The following RCOR1 variants were observed in gnomAD, a reference collection of about 807,000 sequenced individuals.
The protein encoded by RCOR1 is REST corepressor 1.
RCOR1 carries 12 observed loss-of-function variants against 64.0 expected under a neutral mutation model. The observed-to-expected ratio is 0.19, with a 90% CI of 0.12 to 0.30. The LOEUF is 0.30. RCOR1 is among the 10% of genes least tolerant of loss of function. The pLI is 1.00. For synonymous variants in RCOR1, 279 were observed against 227.2 expected (o/e 1.23, Z -2.05); for missense variants, 502 against 621.2 (o/e 0.81, Z 2.04).
At chr14:102,707,743 C>T (rs1457943954) in intron 5 of RCOR1, among the ~76,000 whole-genome samples, 1 of 150,890 alleles carries the variant, frequency 6.6e-6, no homozygotes, top group African/African-American at 2.4e-5. Flanking sequence ...ACCCTCCCCA[C>T]CCACCCCAGT....
At chr14:102,703,497 T>G (rs2139980155) in intron 4 of RCOR1, among the ~76,000 whole-genome samples, 1 of 152,264 alleles carries the variant, frequency 6.6e-6, no homozygotes, top group Non-Finnish European at 1.5e-5. Flanking sequence ...CTGAATAAGC[T>G]TATTAGGGTA....
chr14:102,632,674 CTTTCCTTTTCCT>C (rs1555462967), intron 2 of RCOR1, among the ~76,000 whole-genome samples: 1 of 45,190 alleles, frequency 2.2e-5, no homozygotes, highest in Non-Finnish European at 4.0e-5. Flanking sequence ...CTTTCCTTTC[CTTTCCTTTTCCT>C]TTTCCTTTTC....
At chr14:102,652,282 C>T (rs1894609547) in intron 2 of RCOR1, among the ~76,000 whole-genome samples, 1 of 152,198 alleles carries the variant, frequency 6.6e-6, no homozygotes, top group African/African-American at 2.4e-5. Flanking sequence ...TCAGTCTAGG[C>T]AGAGCTGGGA....
chr14:102,603,447 C>T, intron 2 of RCOR1, among the ~76,000 whole-genome samples: 1 of 152,068 alleles, frequency 6.6e-6, no homozygotes, highest in South Asian at 2.1e-4. Context: ...ACCTTGGCCT[C>T]CGGAGTAGCT....
intron 3 of RCOR1, among the ~76,000 whole-genome samples, chr14:102,693,524 T>C (rs1567438019): frequency 6.6e-6 from 1 of 152,144 alleles, no homozygotes; most frequent in African/African-American, 2.4e-5. Context: ...ACCCTCCACA[T>C]TGCAAACAGT....
rs141795825 is a variant in RCOR1 at position 102,656,876 on chromosome 14, G to A, written c.362-25019G>A. Among the ~76,000 whole-genome samples the A allele has an allele frequency of 2.2e-3, 337 of 151,614 alleles. 1 individual carries two copies. The highest frequency in any genetic ancestry group is 3.7e-3 in the Non-Finnish European group (248 of 67,896). On this transcript the variant is annotated intron_variant, in intron 2 of 11. Transcript: ENST00000262241. ...CTGCAACCTCCGCCTTCCAGGTTCA[G>A]GTGATTCTCTTGCCTCAGCCTCCCA...
chr14:102,659,316 G>A (rs1894786175), intron 2 of RCOR1: 1 of 968,642 alleles, frequency 1.0e-6, no homozygotes, highest in Admixed American at 6.2e-5. Flanking sequence ...TTTATAAATA[G>A]TGAGGTACCA....
At position 102,593,051 on chromosome 14, in the gene RCOR1, G is replaced by GGCC. The variant is rs1468393581; in HGVS notation, c.175_177dup (p.Ala59dup). On this transcript the variant is annotated inframe_insertion, in exon 1 of 12. Coordinates refer to ENST00000262241, the MANE Select transcript of RCOR1 (RefSeq NM_015156.4). ...CGGGCGCCGCCGCCTCCTCAGCCTC[G>GGCC]GCCGCCGCCGCCTCAGCCGCCGCCG... is the stretch of plus-strand genomic sequence containing the variant. 4 of 1,381,320 alleles carry GGCC rather than the reference G, an allele frequency of 2.9e-6. No individual in the cohort carries two copies. Among genetic ancestry groups the GGCC allele is most frequent in the East Asian group, 3.2e-5 (1 of 31,240 alleles). 85.6% of individuals were successfully genotyped at this position (1,381,320 alleles called of 1,614,324 possible).
chr14:102,655,593 C>G (rs1008625141), intron 2 of RCOR1: 2 of 651,680 alleles, frequency 3.1e-6, no homozygotes, highest in South Asian at 6.9e-5. Context: ...AATAGGTGAT[C>G]AATAAATATT....
rs551012841 is a variant in RCOR1, at chr14:102,689,207, C to G, written c.445+7229C>G. 2.0e-5 allele frequency among the ~76,000 whole-genome samples: 3 copies of G among 152,294 alleles called. No individual in the cohort carries two copies. In the East Asian group the frequency reaches 5.8e-4, roughly 29 times the overall value. ...GTTCCTTTTACTGACTTAGGAAAAA[C>G]AAAGTTTACCCAGGCACGTGTGGTT... is the stretch of plus-strand genomic sequence containing the variant. On this transcript the variant is annotated intron_variant, in intron 3 of 11. Coordinates refer to ENST00000262241, the MANE Select transcript of RCOR1 (RefSeq NM_015156.4).
intron 2 of RCOR1, among the ~76,000 whole-genome samples, chr14:102,647,633 A>G (rs528266490): frequency 6.6e-6 from 1 of 152,252 alleles, no homozygotes; most frequent in South Asian, 2.1e-4. Context: ...TTAGGATTCT[A>G]TGCCAAACTG....
intron 8 of RCOR1, among the ~76,000 whole-genome samples, chr14:102,715,129 C>T (rs887992115): frequency 3.4e-5 from 5 of 148,128 alleles, no homozygotes; most frequent in Admixed American, 1.3e-4. Flanking sequence ...AGTGCAGTGG[C>T]GCGATCCCGG....
intron 3 of RCOR1, among the ~76,000 whole-genome samples, chr14:102,682,542 T>C (rs999838075): frequency 2.6e-5 from 4 of 152,246 alleles, no homozygotes; most frequent in African/African-American, 4.8e-5. Flanking sequence ...TGCTTCCATA[T>C]GTGTCCTTTA....
At chr14:102,651,422 G>A (rs1300635276) in intron 2 of RCOR1, among the ~76,000 whole-genome samples, 2 of 151,926 alleles carry the variant, frequency 1.3e-5, no homozygotes, top group African/African-American at 4.8e-5. Flanking sequence ...GCGTGGTGGC[G>A]GGTGCCTGTA....
chr14:102,716,246 G>A (rs1043866966), intron 8 of RCOR1, among the ~76,000 whole-genome samples: 14 of 151,992 alleles, frequency 9.2e-5, no homozygotes, highest in Admixed American at 3.9e-4. Flanking sequence ...GTCAGGTTGC[G>A]TATTTTCTTA....
At chr14:102,679,865 C>T (rs972904740) in intron 2 of RCOR1, among the ~76,000 whole-genome samples, 65 of 152,190 alleles carry the variant, frequency 4.3e-4, no homozygotes, top group Admixed American at 3.9e-3. Flanking sequence ...AGTCTTCCAA[C>T]TTTGCTCTTT....
At chr14:102,696,432 C>CT (rs1895650327) in intron 3 of RCOR1, among the ~76,000 whole-genome samples, 1 of 152,206 alleles carries the variant, frequency 6.6e-6, no homozygotes, top group African/African-American at 2.4e-5. Flanking sequence ...GTGCTTCTGA[C>CT]TGACAGATTG....
chr14:102,646,070 G>A (rs1467028042), intron 2 of RCOR1, among the ~76,000 whole-genome samples: 1 of 152,108 alleles, frequency 6.6e-6, no homozygotes, highest in Non-Finnish European at 1.5e-5. Flanking sequence ...GGGGTTCTAG[G>A]GGAGGAAAAC....
chr14:102,694,829 C>T (rs910318660), intron 3 of RCOR1, among the ~76,000 whole-genome samples: 1 of 152,150 alleles, frequency 6.6e-6, no homozygotes, highest in African/African-American at 2.4e-5. Context: ...TAAAAGATGC[C>T]ACAATATTTG....
Sources: gnomAD v4.1 joint callset for allele counts (sites outside exome capture counted in the v4.1 genomes callset) on GRCh38, gnomAD v4.1.1 for gene constraint, MANE v1.5 for transcripts, NCBI Gene and HGNC (gene_info 2026-07-23, HGNC 2026-07-21) for gene names.